Variants in XG observed in about 807,000 individuals in gnomAD.
XG encodes the protein glycoprotein Xg.
Under a neutral mutation model 25.7 loss-of-function variants are expected in XG, and 24 were observed. The observed-to-expected ratio is 0.93, with a 90% CI of 0.68 to 1.31. XG has a LOEUF of 1.31. XG is among the 40% of genes most tolerant of loss of function. The pLI, the probability that XG is intolerant of heterozygous loss-of-function variation, is 0.00. For missense variants in XG, 181 were observed against 187.6 expected (o/e 0.96, Z 0.21); for synonymous variants, 77 against 69.2 (o/e 1.11, Z -0.56).
chrX:2,781,997 T>C (rs2086733183), intron 3 of XG, 69 bp from the exon 4 acceptor site: 1 of 1,097,709 alleles, frequency 9.1e-7, no homozygotes, highest in African/African-American at 1.8e-5. Context: ...GATGAGCTTG[T>C]TTCTGCAGCC....
At chrX:2,771,698 G>T (rs1309430196) in intron 2 of XG, among the ~76,000 whole-genome samples, 3 of 152,190 alleles carry the variant, frequency 2.0e-5, no homozygotes, top group Non-Finnish European at 2.9e-5. Flanking sequence ...ACAACTGGTT[G>T]ACCAGTGCAG....
intron 1 of XG, among the ~76,000 whole-genome samples, chrX:2,766,557 C>CTT (rs1177391752): frequency 7.8e-5 from 7 of 90,176 alleles, no homozygotes; most frequent in East Asian, 3.0e-4. Flanking sequence ...CTTATGGCCA[C>CTT]TTTTTTTTTT....
intron 1 of XG, chrX:2,753,064 A>C (rs2050367652): frequency 1.4e-6 from 1 of 729,020 alleles, no homozygotes. Context: ...GCGCATCTTA[A>C]GAGAGAGAAG....
chrX:2,797,022 G>A (rs939460115), intron 6 of XG, among the ~76,000 whole-genome samples: 1 of 111,849 alleles, frequency 8.9e-6, no homozygotes, highest in Non-Finnish European at 1.9e-5. Flanking sequence ...GGAAGCGGGT[G>A]CGCCTGCGTG....
In XG at chrX:2,816,481, A is replaced by C. The variant is rs1418890288; in HGVS notation, c.*2101A>C. On this transcript the variant is annotated 3_prime_UTR_variant, in exon 11 of 11. Coordinates refer to ENST00000644266, the MANE Select transcript of XG (RefSeq NM_001141919.2). ...CTTTATGGTGATCCGCTTCCACTTA[A>C]TAAATAGTAAATTCATTAATTTTAT... 2.7e-5 allele frequency: 3 copies of C among 111,907 alleles called. No individual in the cohort carries two copies. The highest frequency in any genetic ancestry group is 9.5e-5 in the Admixed American group (1 of 10,540). The allele number at this position is 111,907 out of a possible 1,213,427, so 9.2% of individuals were successfully genotyped here. A position where few individuals can be genotyped will look rare whatever the true frequency, so the allele number is the denominator to read the frequency against.
At chrX:2,794,924 A>G (rs2086869946) in intron 6 of XG, among the ~76,000 whole-genome samples, 1 of 111,884 alleles carries the variant, frequency 8.9e-6, no homozygotes, top group Non-Finnish European at 1.9e-5. Context: ...ATGTCCAGAC[A>G]CACCTTTATA....
At position 2,815,682 on chromosome X, in the gene XG, A is replaced by G. The variant is rs1275692497; in HGVS notation, c.*1302A>G. ...GTATTAGGTCCTGCAACACTTTTCA[A>G]TTCTTGTAGAAGGTTTTTTTCAGGA... On this transcript the variant is annotated 3_prime_UTR_variant, in exon 11 of 11. Coordinates refer to ENST00000644266, the MANE Select transcript of XG (RefSeq NM_001141919.2). The G allele has an allele frequency of 1.8e-5, 2 of 110,659 alleles. No individual in the cohort carries two copies. Among genetic ancestry groups the G allele is most frequent in the Non-Finnish European group, 3.8e-5 (2 of 52,880 alleles). 9.1% of individuals were successfully genotyped at this position (110,659 alleles called of 1,213,427 possible).
At chrX:2,765,041 C>CAAAAAAAAAAA (rs1219282861) in intron 1 of XG, among the ~76,000 whole-genome samples, 1 of 36,624 alleles carries the variant, frequency 2.7e-5, no homozygotes. Flanking sequence ...ATTCTTTATC[C>CAAAAAAAAAAA]AAAAAAAAAA....
rs202025841 is a variant in XG, at chrX:2,811,333, C to T, written c.455-3C>T. Reference sequence around the variant, plus strand: ...TGAGCTTGCTTTTTCTCCACTCCTGCAGGCAATATGGTAGCAAAAATCGTG... The same window carrying T: ...TGAGCTTGCTTTTTCTCCACTCCTGTAGGCAATATGGTAGCAAAAATCGTG... On this transcript the variant is annotated splice_region_variant and splice_polypyrimidine_tract_variant and intron_variant, in intron 9 of 10. Coordinates refer to ENST00000644266, the MANE Select transcript of XG (RefSeq NM_001141919.2). 3.5e-3 allele frequency: 4,234 copies of T among 1,196,774 alleles called. 5 individuals are homozygous for T. Among genetic ancestry groups the T allele is most frequent in the Non-Finnish European group, 4.4e-3 (3,898 of 886,829 alleles).
chrX:2,770,016 T>TGGGGGGGGGGG (rs1201452154), intron 1 of XG, among the ~76,000 whole-genome samples: 4 of 45,592 alleles, frequency 8.8e-5, no homozygotes, highest in Admixed American at 2.6e-4. Flanking sequence ...TGTGCGTGTG[T>TGGGGGGGGGGG]GGAGGGGTGG....
chrX:2,793,966 G>A (rs1200280845), intron 5 of XG, among the ~76,000 whole-genome samples: 1 of 110,914 alleles, frequency 9.0e-6, no homozygotes, highest in Non-Finnish European at 1.9e-5. Context: ...AAGGACTAGG[G>A]AGGGGCAGGA....
chrX:2,759,232 T>A (rs1184948476), intron 1 of XG, among the ~76,000 whole-genome samples: 2 of 152,242 alleles, frequency 1.3e-5, no homozygotes, highest in Non-Finnish European at 2.9e-5. Context: ...TTCAACACCT[T>A]ACAGTGCACA....
At chrX:2,810,055 C>T (rs2087039465) in intron 9 of XG, among the ~76,000 whole-genome samples, 1 of 111,914 alleles carries the variant, frequency 8.9e-6, no homozygotes, top group South Asian at 3.8e-4. Context: ...AGGGCTGTCT[C>T]TCCCAGGAGG....
At chrX:2,770,470 G>T in intron 1 of XG, 80 bp from the exon 2 acceptor site, 5 of 1,548,916 alleles carry the variant, frequency 3.2e-6, no homozygotes, top group Non-Finnish European at 4.5e-6. Flanking sequence ...CAGGAGGAGG[G>T]GAGCAGCATG....
intron 1 of XG, among the ~76,000 whole-genome samples, chrX:2,758,849 T>A (rs2050494271): frequency 6.6e-6 from 1 of 152,220 alleles, no homozygotes; most frequent in Non-Finnish European, 1.5e-5. Context: ...TCTCTAGATC[T>A]ATCTATCGTC....
At chrX:2,777,159 C>T (rs1162330532) in intron 3 of XG, among the ~76,000 whole-genome samples, 1 of 152,018 alleles carries the variant, frequency 6.6e-6, no homozygotes, top group African/African-American at 2.4e-5. Flanking sequence ...GCAAACAAGC[C>T]GGTAAAACTA....
chrX:2,752,241 A>T lies in XG; in HGVS notation c.-34A>T, dbSNP rs28520897. Reference sequence around the variant, plus strand: ...GGTCTCACAATCCGCTTGGCTGGGGAGTCCACTGAGGTTCTTGCATCCTGA... The same window carrying T: ...GGTCTCACAATCCGCTTGGCTGGGGTGTCCACTGAGGTTCTTGCATCCTGA... On this transcript the variant is annotated 5_prime_UTR_variant, in exon 1 of 11. Transcript: ENST00000644266. 2 of 1,613,374 alleles carry T rather than the reference A, an allele frequency of 1.2e-6. No individual in the cohort carries two copies. Among genetic ancestry groups the T allele is most frequent in the South Asian group, 1.1e-5 (1 of 90,980 alleles).
chrX:2,781,944 T>C (rs1464768398), intron 3 of XG, 122 bp from the exon 4 acceptor site: 1 of 666,284 alleles, frequency 1.5e-6, no homozygotes, highest in Non-Finnish European at 2.4e-6. Flanking sequence ...AAACACACCG[T>C]GGGCAGCAAA....
chrX:2,779,333 A>T lies in XG; in HGVS notation c.128-2733A>T, dbSNP rs1264525718. Among the ~76,000 whole-genome samples the T allele has an allele frequency of 8.0e-4, 52 of 65,322 alleles. 1 individual carries two copies. In the South Asian group the frequency reaches 0.035, roughly 45 times the overall value. 42.9% of individuals were successfully genotyped at this position (65,322 alleles called of 152,430 possible). ...CTGAGGCTACAGAGTGAGAGTATAAAAAAAAAAAAAAAAAAGCATAACCTT... is the reference window on the plus strand; with the variant it reads ...CTGAGGCTACAGAGTGAGAGTATAATAAAAAAAAAAAAAAAGCATAACCTT... On this transcript the variant is annotated intron_variant, in intron 3 of 10. Transcript: ENST00000644266.
Sources: gnomAD v4.1 joint callset for allele counts (sites outside exome capture counted in the v4.1 genomes callset) on GRCh38, gnomAD v4.1.1 for gene constraint, MANE v1.5 for transcripts, NCBI Gene and HGNC (gene_info 2026-07-23, HGNC 2026-07-21) for gene names.